Variants in SMC6 observed in about 807,000 individuals in gnomAD.
The protein encoded by SMC6 is structural maintenance of chromosomes protein 6.
In SMC6, 79 loss-of-function variants were observed where a neutral mutation model predicts 142.2. The observed-to-expected ratio is 0.56, with a 90% CI of 0.46 to 0.67. The LOEUF is 0.67. SMC6 is among the 30% of genes least tolerant of loss of function. SMC6 has a pLI of 0.00. For synonymous variants in SMC6, 411 were observed against 412.4 expected (o/e 1.00, Z 0.04); for missense variants, 1,072 against 1,284.0 (o/e 0.83, Z 2.52).
intron 15 of SMC6, among the ~76,000 whole-genome samples, chr2:17,715,645 G>C (rs73921055): frequency 0.012 from 1,855 of 152,200 alleles, 19 homozygotes; most frequent in East Asian, 0.03. Flanking sequence ...CCATGTATAT[G>C]TAAGAGTGAA....
At chr2:17,714,036 G>T (rs1242070582) in intron 16 of SMC6, among the ~76,000 whole-genome samples, 1 of 151,356 alleles carries the variant, frequency 6.6e-6, no homozygotes, top group Non-Finnish European at 1.5e-5. Context: ...GGAGAGAAAA[G>T]AAATTTTAAA....
Position 17,700,280 on chromosome 2 carries a change from T to C in SMC6, c.2322A>G (p.Ile774Met), listed in dbSNP as rs1022829608. The C allele has an allele frequency of 6.2e-7, 1 of 1,611,666 alleles. No homozygotes were observed. The highest frequency in any genetic ancestry group is 1.3e-5 in the African/African-American group (1 of 74,980). ...ENMEHLKSLKIEAENKYDAIK... is the reference protein window; with the variant it reads ...ENMEHLKSLKMEAENKYDAIK... ...TTGCATCATACTTATTTTCTGCTTC[T>C]ATTTTCAGACTTTTAAGATGCTCCA... Residue 774 changes from isoleucine to methionine, a missense_variant, in exon 21 of 28, where the codon ATA becomes ATG. Around this residue, in one of 3 missense-constraint regions of SMC6, gnomAD observed 994 missense variants for 1,153.2 expected, o/e 0.86. Coordinates refer to ENST00000448223, the MANE Select transcript of SMC6 (RefSeq NM_001142286.2).
intron 27 of SMC6, among the ~76,000 whole-genome samples, chr2:17,665,918 A>C (rs1558319279): frequency 1.3e-5 from 2 of 152,212 alleles, no homozygotes; most frequent in Non-Finnish European, 2.9e-5. Flanking sequence ...TTACCTGGAT[A>C]TTCCCAATCA....
Position 17,670,559 on chromosome 2 carries a change from C to T in SMC6, c.2927G>A (p.Gly976Glu). The change falls in exon 26 of 28, where the codon GGA becomes GAA. Residue 976 changes from glycine to glutamate, a missense_variant. Gly to Glu is a moderately conservative substitution (Grantham distance 98). Coordinates refer to ENST00000448223, the MANE Select transcript of SMC6 (RefSeq NM_001142286.2). The stretch of plus-strand genomic sequence containing the variant: ...CATGTCATTGAAAGCAGCTTTATTT[C>T]CTTCTCCAGGCTGAACCTTGAAGAG... ...TLSISVQPGE[G>E]NKAAFNDMRA... is the part of the protein sequence containing the mutation. The T allele has an allele frequency of 4.4e-6, 7 of 1,573,462 alleles. No individual in the cohort carries two copies. The highest frequency in any genetic ancestry group is 6.0e-6 in the Non-Finnish European group (7 of 1,167,194).
At chr2:17,745,035 G>A (rs1192031233) in intron 3 of SMC6, among the ~76,000 whole-genome samples, 1 of 152,168 alleles carries the variant, frequency 6.6e-6, no homozygotes, top group East Asian at 1.9e-4. Context: ...AGCATCAGTG[G>A]ATTTTGGTCT....
At chr2:17,722,383 C>T (rs1271018594) in intron 9 of SMC6, among the ~76,000 whole-genome samples, 1 of 152,172 alleles carries the variant, frequency 6.6e-6, no homozygotes, top group Non-Finnish European at 1.5e-5. Context: ...TTTTCCATCA[C>T]ATCTTTTCAT....
Position 17,731,824 on chromosome 2 carries a change from G to A in SMC6, c.398C>T (p.Ala133Val). 1.4e-5 allele frequency: 23 copies of A among 1,613,672 alleles called. No individual in the cohort carries two copies. The highest frequency in any genetic ancestry group is 1.9e-5 in the Non-Finnish European group (23 of 1,179,776). The part of the protein sequence containing the change: ...LRNRGDDAFK[A>V]SVYGNSILIQ... ...AAGTATAGAGTTACCATACACACTG[G>A]CTTTAAAGGCATCATCTCCTCTGTT... The change falls in exon 6 of 28, where the codon GCC becomes GTC. Residue 133 changes from alanine (A) to valine (V), a missense_variant. By Grantham distance (64) the Ala-to-Val change is moderately conservative (BLOSUM62 0). Coordinates refer to ENST00000448223, the MANE Select transcript of SMC6 (RefSeq NM_001142286.2).
chr2:17,745,117 A>G (rs951865290), intron 3 of SMC6, among the ~76,000 whole-genome samples: 1 of 152,122 alleles, frequency 6.6e-6, no homozygotes, highest in Non-Finnish European at 1.5e-5. Flanking sequence ...CTCCTTGCAA[A>G]TATTTTGTTC....
At chr2:17,746,983 C>T (rs976868576) in intron 2 of SMC6, among the ~76,000 whole-genome samples, 8 of 152,182 alleles carry the variant, frequency 5.3e-5, no homozygotes, top group Admixed American at 1.3e-4. Context: ...CTCCCCTACC[C>T]ATGCAAGCAA....
At chr2:17,674,769 G>A (rs1466860659) in intron 25 of SMC6, among the ~76,000 whole-genome samples, 3 of 151,874 alleles carry the variant, frequency 2.0e-5, no homozygotes, top group African/African-American at 4.8e-5. Context: ...CCATGAAATG[G>A]CCCTTTTGGC....
intron 16 of SMC6, 37 bp downstream of exon 16, chr2:17,714,823 AG>A: frequency 6.3e-7 from 1 of 1,590,504 alleles, no homozygotes; most frequent in Non-Finnish European, 8.6e-7. Flanking sequence ...CATATGATTA[AG>A]CAAAGCCAGA....
At chr2:17,680,478 A>G (rs1180001554) in intron 24 of SMC6, 1 of 152,194 alleles carries the variant, frequency 6.6e-6, no homozygotes, top group Non-Finnish European at 1.5e-5. Context: ...CTTTGCTCAG[A>G]TCGATTAAAG....
chr2:17,727,826 A>G (rs1669706157), intron 7 of SMC6, among the ~76,000 whole-genome samples: 1 of 152,184 alleles, frequency 6.6e-6, no homozygotes, highest in Non-Finnish European at 1.5e-5. Context: ...CATTTCTCTC[A>G]AGTACGATGT....
chr2:17,717,017 T>A, intron 13 of SMC6, 71 bp downstream of exon 13: 1 of 1,523,718 alleles, frequency 6.6e-7, no homozygotes, highest in Non-Finnish European at 8.9e-7. Context: ...TAAAATATAA[T>A]ACTCCAATGC....
At chr2:17,708,165 A>C (rs879691750) in intron 17 of SMC6, among the ~76,000 whole-genome samples, 6 of 152,098 alleles carry the variant, frequency 3.9e-5, no homozygotes, top group Non-Finnish European at 8.8e-5. Flanking sequence ...AGAGGAAACA[A>C]AATATGGTGA....
intron 15 of SMC6, 108 bp from the exon 16 acceptor site, chr2:17,715,173 CA>C: frequency 9.8e-7 from 1 of 1,015,668 alleles, no homozygotes; most frequent in Non-Finnish European, 1.4e-6. Flanking sequence ...TTATATAAAG[CA>C]GTTTAAATGA....
Position 17,665,590 on chromosome 2 carries a change from A to T in SMC6, c.3185T>A (p.Ile1062Lys). Reference protein sequence around the residue: ...SMSSLPSSKLIRILRMSDPER... With the variant: ...SMSSLPSSKLKRILRMSDPER... ...AGGATCAGACATTCGGAGAATTCTT[A>T]TCAGTTTACTGGATGGAAGTGAACT... Residue 1062 changes from isoleucine (I) to lysine (K), a missense_variant, in exon 28 of 28, where the codon ATA becomes AAA. Coordinates refer to ENST00000448223, the MANE Select transcript of SMC6 (RefSeq NM_001142286.2). 6.2e-7 allele frequency: 1 copy of T among 1,610,492 alleles called. No individual in the cohort carries two copies. Among genetic ancestry groups the T allele is most frequent in the Non-Finnish European group, 8.5e-7 (1 of 1,178,040 alleles).
rs187938631 is a variant in SMC6 at position 17,711,025 on chromosome 2, A to C, written c.1731-2272T>G. ...CAAAGTACGGAACAAGGAGATAAAG[A>C]AAGGGAGTAGGAGTCTAAGAGGGGA... On this transcript the variant is annotated intron_variant, in intron 16 of 27. Coordinates refer to ENST00000448223, the MANE Select transcript of SMC6 (RefSeq NM_001142286.2). Among the ~76,000 whole-genome samples, 15 of 152,220 alleles carry C rather than the reference A, an allele frequency of 9.9e-5. No homozygotes were observed. In the East Asian group the frequency reaches 2.5e-3, roughly 26 times the overall value.
At chr2:17,710,956 G>T (rs1365786158) in intron 16 of SMC6, among the ~76,000 whole-genome samples, 2 of 152,118 alleles carry the variant, frequency 1.3e-5, no homozygotes, top group Non-Finnish European at 2.9e-5. Context: ...GGATAAGAAA[G>T]AATAGGGTAT....
Sources: allele counts gnomAD v4.1 joint callset (sites outside exome capture counted in the v4.1 genomes callset), GRCh38; gene constraint gnomAD v4.1.1; regional missense constraint gnomAD v4.1.1; transcripts MANE v1.5; gene names NCBI Gene and HGNC (gene_info 2026-07-23, HGNC 2026-07-21).